Variants in KIF1B observed in about 807,000 individuals in gnomAD.
KIF1B encodes the protein kinesin family member 1B, also known as kinesin-like protein KIF1B.
Under a neutral mutation model 241.9 loss-of-function variants are expected in KIF1B, and 76 were observed. The ratio of observed to expected loss-of-function variants is 0.31; its 90% CI spans 0.26 to 0.38. The LOEUF (loss-of-function observed/expected upper bound fraction) is 0.38, where lower values mean the gene tolerates loss of function less well. KIF1B is among the 10% of genes least tolerant of loss of function. KIF1B has a pLI of 1.00. For missense variants in KIF1B, 1,622 were observed against 2,271.4 expected (o/e 0.71, Z 5.81); for synonymous variants, 750 against 796.7 (o/e 0.94, Z 0.99).
intron 28 of KIF1B, among the ~76,000 whole-genome samples, chr1:10,335,689 T>G (rs1652141188): frequency 6.6e-6 from 1 of 152,100 alleles, no homozygotes. Context: ...GCTGTTGTTT[T>G]GTAATGCACG....
intron 22 of KIF1B, chr1:10,305,516 G>A: frequency 9.4e-7 from 1 of 1,060,314 alleles, no homozygotes; most frequent in Non-Finnish European, 1.1e-6. Context: ...GAGGGAAGAG[G>A]TGGGACAGAC....
chr1:10,374,316 G>A lies in KIF1B; in HGVS notation c.4947G>A (p.Lys1649=), dbSNP rs267597899. 6.2e-7 allele frequency: 1 copy of A among 1,613,784 alleles called. No individual in the cohort carries two copies. The highest frequency in any genetic ancestry group is 8.5e-7 in the Non-Finnish European group (1 of 1,179,786). Residue 1649 remains lysine, a splice_region_variant and synonymous_variant, in exon 46 of 49, where the codon AAG becomes AAA. Transcript: ENST00000676179. This position sits in a 1 kb window ranked among gnomAD's most constrained non-coding sequence, Gnocchi z 4.3. The part of the protein sequence containing the change: ...VDSRSNSLDQ[K]TPEANSRASS... ...TCTTTCTAATCTCTCTATTTTAAAG[G>A]ACCCCAGAAGCCAATTCCCGGGCCT...
chr1:10,356,898 CTAAA>C (rs61266375), intron 38 of KIF1B, among the ~76,000 whole-genome samples: 57,857 of 149,026 alleles, frequency 0.39, 11,556 homozygotes, highest in African/African-American at 0.47. Flanking sequence ...GACTCCGTCT[CTAAA>C]TAAATAAATA....
At chr1:10,285,749 A>G (rs1649657090) in intron 15 of KIF1B, among the ~76,000 whole-genome samples, 1 of 152,204 alleles carries the variant, frequency 6.6e-6, no homozygotes, top group Admixed American at 6.5e-5. Context: ...TGCTGCACGC[A>G]GATAACATCT....
At chr1:10,336,798 A>G (rs1652197610) in intron 29 of KIF1B, 56 bp downstream of exon 29, 1 of 1,486,686 alleles carries the variant, frequency 6.7e-7, no homozygotes, top group Non-Finnish European at 9.4e-7. Flanking sequence ...AATGTTCAGC[A>G]TTGGAGATCA....
intron 27 of KIF1B, among the ~76,000 whole-genome samples, chr1:10,329,724 ACT>A (rs1256480043): frequency 6.8e-6 from 1 of 146,234 alleles, no homozygotes; most frequent in Non-Finnish European, 1.5e-5. Flanking sequence ...CAGAGCAAAG[ACT>A]CTGTCTAGGG....
At position 10,376,923 on chromosome 1, in the gene KIF1B, G is replaced by A. The variant is rs1638908106; in HGVS notation, c.*336G>A. 2.4e-6 allele frequency: 1 copy of A among 411,842 alleles called. No homozygotes were observed. Among genetic ancestry groups the A allele is most frequent in the South Asian group, 2.6e-5 (1 of 39,012 alleles). 25.5% of individuals were successfully genotyped at this position (411,842 alleles called of 1,614,324 possible). Reference sequence around the variant, plus strand: ...GGATCTGGTGAATCTCCAAATTATTGTGGGTGTACTTTGGCTTCCTTTTGT... The same window carrying A: ...GGATCTGGTGAATCTCCAAATTATTATGGGTGTACTTTGGCTTCCTTTTGT... On this transcript the variant is annotated 3_prime_UTR_variant, in exon 49 of 49. Coordinates refer to ENST00000676179, the MANE Select transcript of KIF1B (RefSeq NM_001365951.3).
chr1:10,294,766 G>A (rs551732915), intron 17 of KIF1B, among the ~76,000 whole-genome samples: 22 of 152,270 alleles, frequency 1.4e-4, no homozygotes, highest in Admixed American at 1.3e-4. Flanking sequence ...TACTTGAGAG[G>A]CTGAGGCAGG....
Position 10,244,223 on chromosome 1 carries a change from C to T in KIF1B, c.106+11789C>T, listed in dbSNP as rs571211848. Among the ~76,000 whole-genome samples, 27 of 151,628 alleles carry T rather than the reference C, an allele frequency of 1.8e-4. 1 individual carries two copies. Among genetic ancestry groups the T allele is most frequent in the Middle Eastern group, 6.8e-3 (2 of 292 alleles). ...TGTTTCTATATTGTGAGGAGGGGAGCGAGTTGCCTGTGGGTTTTGGTTTTA... is the reference window on the plus strand; with the variant it reads ...TGTTTCTATATTGTGAGGAGGGGAGTGAGTTGCCTGTGGGTTTTGGTTTTA... On this transcript the variant is annotated intron_variant, in intron 2 of 48. Coordinates refer to ENST00000676179, the MANE Select transcript of KIF1B (RefSeq NM_001365951.3).
chr1:10,266,555 G>A (rs1319336240), intron 5 of KIF1B, among the ~76,000 whole-genome samples: 1 of 152,136 alleles, frequency 6.6e-6, no homozygotes, highest in African/African-American at 2.4e-5. Context: ...AGGATACATC[G>A]TCCATAGTTA....
intron 38 of KIF1B, among the ~76,000 whole-genome samples, chr1:10,357,343 A>G (rs1174437689): frequency 6.6e-6 from 1 of 152,322 alleles, no homozygotes; most frequent in Non-Finnish European, 1.5e-5. Context: ...ATACAGGAAA[A>G]TATGTCTTGG....
Position 10,271,232 on chromosome 1 carries a change from G to C in KIF1B, c.721-270G>C, listed in dbSNP as rs572560024. ...ACACAAGGGTGTTATATGTTGCCAG[G>C]CTGGAGTGCAGCAGACAGCTTTGAA... is the stretch of plus-strand genomic sequence containing the variant. On this transcript the variant is annotated intron_variant, in intron 7 of 48. Transcript: ENST00000676179. Among the ~76,000 whole-genome samples, 4 of 151,738 alleles carry C rather than the reference G, an allele frequency of 2.6e-5. No homozygotes were observed. The South Asian group carries it at 8.3e-4, about 32-fold the overall frequency.
intron 1 of KIF1B, among the ~76,000 whole-genome samples, chr1:10,222,294 T>TC (rs1646855582): frequency 6.6e-6 from 1 of 152,176 alleles, no homozygotes; most frequent in African/African-American, 2.4e-5. Flanking sequence ...CTCCTAGGAA[T>TC]CCATGTGTAT....
At chr1:10,305,178 G>GT in intron 22 of KIF1B, 1 of 1,046,368 alleles carries the variant, frequency 9.6e-7, no homozygotes, top group Non-Finnish European at 1.2e-6. Context: ...TAGAATTTTC[G>GT]TAAGCCAAAA....
At chr1:10,375,205 C>A in intron 47 of KIF1B, 50 bp from the exon 48 acceptor site, 1 of 1,523,822 alleles carries the variant, frequency 6.6e-7, no homozygotes, top group Non-Finnish European at 9.1e-7. Context: ...AGGCAGTCCC[C>A]ATTGCTGTCT....
chr1:10,331,642 T>G (rs772302878), intron 27 of KIF1B, among the ~76,000 whole-genome samples: 2 of 152,260 alleles, frequency 1.3e-5, no homozygotes, highest in South Asian at 2.1e-4. Context: ...CTCCTCTCTT[T>G]GTTTTAAAAT....
chr1:10,353,659 A>G (rs2102336016), intron 38 of KIF1B, among the ~76,000 whole-genome samples: 2 of 152,338 alleles, frequency 1.3e-5, no homozygotes, highest in South Asian at 4.1e-4. Flanking sequence ...CAGAAATGGA[A>G]TGAAAGGTTT....
intron 3 of KIF1B, 33 bp downstream of exon 3, chr1:10,256,356 C>T (rs1647780913): frequency 1.4e-6 from 2 of 1,404,270 alleles, no homozygotes; most frequent in African/African-American, 1.4e-5. Context: ...ACTGCCAGCT[C>T]CTGCCTCCTT....
At chr1:10,216,407 T>C (rs1646767424) in intron 1 of KIF1B, among the ~76,000 whole-genome samples, 1 of 152,212 alleles carries the variant, frequency 6.6e-6, no homozygotes, top group African/African-American at 2.4e-5. Context: ...CAGATTTTAC[T>C]TCTTTTCCTT....
Sources: allele counts gnomAD v4.1 joint callset (sites outside exome capture counted in the v4.1 genomes callset), GRCh38; gene constraint gnomAD v4.1.1; non-coding constraint Gnocchi (gnomAD v3.1); transcripts MANE v1.5; gene names NCBI Gene and HGNC (gene_info 2026-07-23, HGNC 2026-07-21).